The following PRR12 variants were observed in gnomAD, a reference collection of about 807,000 sequenced individuals.
PRR12 encodes proline-rich protein 12.
In PRR12, 12 loss-of-function variants were observed where a neutral mutation model predicts 138.0. That is an observed-to-expected ratio of 0.09 (90% CI 0.06 to 0.14). The LOEUF (loss-of-function observed/expected upper bound fraction) is 0.14. Among genes scored for constraint, PRR12 ranks in the 10% least tolerant of loss-of-function variants. The pLI is 1.00. For missense variants in PRR12, 2,692 were observed against 2,861.3 expected, an observed-to-expected ratio of 0.94 and a Z score of 1.35; for synonymous variants, 1,567 against 1,291.7, an observed-to-expected ratio of 1.21 and a Z score of -4.57.
At chr19:49,608,890 C>G (rs1031461131) in intron 6 of PRR12, among the ~76,000 whole-genome samples, 3 of 152,032 alleles carry the variant, frequency 2.0e-5, no homozygotes, top group Non-Finnish European at 4.4e-5. Context: ...TCAAGAACCA[C>G]TTGTGGGAAC....
chr19:49,603,422 G>C (rs1191682019), intron 6 of PRR12, among the ~76,000 whole-genome samples: 3 of 152,226 alleles, frequency 2.0e-5, no homozygotes, highest in Non-Finnish European at 4.4e-5. Flanking sequence ...GGGGCATGGC[G>C]GTTCACGCCT....
At chr19:49,620,560 G>C (rs2080916874) in intron 10 of PRR12, 83 bp downstream of exon 10, 4 of 1,531,384 alleles carry the variant, frequency 2.6e-6, no homozygotes, top group African/African-American at 1.4e-5. Context: ...TGATGTGAGA[G>C]AGGAGAGGTT....
intron 9 of PRR12, among the ~76,000 whole-genome samples, chr19:49,617,998 G>A (rs1037138762): frequency 3.3e-5 from 5 of 152,192 alleles, no homozygotes; most frequent in East Asian, 1.9e-4. Context: ...CTCGGGAGGC[G>A]GAGCCAGGAG....
chr19:49,618,106 A>G (rs2080902248), intron 9 of PRR12, among the ~76,000 whole-genome samples: 1 of 152,128 alleles, frequency 6.6e-6, no homozygotes, highest in Non-Finnish European at 1.5e-5. Context: ...TCAATAAATG[A>G]ATGAACGAAC....
chr19:49,597,033 G>A lies in PRR12; in HGVS notation c.2698G>A (p.Gly900Ser). ...LPPAPGDTGV[G>S]PPNSEGKDPA... is the part of the protein sequence containing the mutation. ...CCCGGCGCCTGGGGATACTGGCGTA[G>A]GCCCACCAAACTCGGAGGGCAAGGA... Residue 900 changes from glycine (G) to serine (S), a missense_variant, in exon 4 of 14, where the codon GGC becomes AGC. By Grantham distance (56) the Gly-to-Ser change is moderately conservative (BLOSUM62 0). Transcript: ENST00000418929. This position sits in a 1 kb window ranked among gnomAD's most constrained non-coding sequence, Gnocchi z 6.3. 1 of 1,557,714 alleles carries A rather than the reference G, an allele frequency of 6.4e-7. No individual in the cohort carries two copies. Among genetic ancestry groups the A allele is most frequent in the South Asian group, 1.2e-5 (1 of 84,532 alleles).
In PRR12 at chr19:49,625,193, G is replaced by A. The variant is rs1304286407; in HGVS notation, c.5957G>A (p.Arg1986Gln). The A allele has an allele frequency of 2.5e-6, 4 of 1,613,260 alleles. No individual in the cohort carries two copies. Among genetic ancestry groups the A allele is most frequent in the Non-Finnish European group, 3.4e-6 (4 of 1,179,328 alleles). The change falls in exon 13 of 14, where the codon CGG becomes CAG. Residue 1986 changes from arginine to glutamine, a missense_variant. Arg to Gln is a conservative substitution (Grantham distance 43). Transcript: ENST00000418929. This position sits in a 1 kb window ranked among gnomAD's most constrained non-coding sequence, Gnocchi z 5.5. ...HYKYHTFLRC[R>Q]DQTLAIEGGA... ...AAATACCACACCTTCCTGCGCTGCCGGGACCAGGTGAGCCCCACCCACAGC... is the reference window on the plus strand; with the variant it reads ...AAATACCACACCTTCCTGCGCTGCCAGGACCAGGTGAGCCCCACCCACAGC...
At position 49,625,250 on chromosome 19, in the gene PRR12, C is replaced by T. The variant is rs1233233824; in HGVS notation, c.5964+50C>T. 2 of 1,576,188 alleles carry T rather than the reference C, an allele frequency of 1.3e-6. No individual in the cohort carries two copies. Among genetic ancestry groups the T allele is most frequent in the East Asian group, 2.2e-5 (1 of 44,498 alleles). On this transcript the variant is annotated intron_variant, in intron 13 of 13. Coordinates refer to ENST00000418929, the MANE Select transcript of PRR12 (RefSeq NM_020719.3). The surrounding 1 kb of genome is among the most constrained non-coding windows in gnomAD (Gnocchi z 5.5). Reference sequence around the variant, plus strand: ...CGCCCTGGGATTCCAACCTTTCTGACTTCCTCTTGGGATCTGAGGGTCCAA... The same window carrying T: ...CGCCCTGGGATTCCAACCTTTCTGATTTCCTCTTGGGATCTGAGGGTCCAA...
Position 49,625,745 on chromosome 19 carries a change from TC to T in PRR12, c.*140del. 1.7e-6 allele frequency: 2 copies of T among 1,172,176 alleles called. No individual in the cohort carries two copies. Among genetic ancestry groups the T allele is most frequent in the South Asian group, 2.1e-5 (1 of 47,674 alleles). 72.6% of individuals were successfully genotyped at this position (1,172,176 alleles called of 1,614,324 possible). On this transcript the variant is annotated 3_prime_UTR_variant, in exon 14 of 14. Transcript: ENST00000418929. This position sits in a 1 kb window ranked among gnomAD's most constrained non-coding sequence, Gnocchi z 5.5. Reference sequence around the variant, plus strand: ...GTCAGGGTGTGTCTGTGCTGCCCCCTCCAGGGCAGGGTTCAAAGTCCGACTC... The same window carrying T: ...GTCAGGGTGTGTCTGTGCTGCCCCCTCAGGGCAGGGTTCAAAGTCCGACTC...
At position 49,595,312 on chromosome 19, in the gene PRR12, G is replaced by A. The variant is rs995493119; in HGVS notation, c.977G>A (p.Arg326Gln). Residue 326 changes from arginine to glutamine, a missense_variant, in exon 4 of 14, where the codon CGG becomes CAG. Physicochemically the swap from Arg to Gln is conservative, Grantham distance 43. Around this residue, in one of 11 missense-constraint regions of PRR12, gnomAD observed 523 missense variants for 496.4 expected, o/e 1.05. Transcript: ENST00000418929. ...GGCAGCTACCCCTCCATGGGCCACC[G>A]GGCCAACCTGGCCTGCAGCCCCCTG... The part of the protein sequence containing the change: ...CGGSYPSMGH[R>Q]ANLACSPLGG... 4.5e-5 allele frequency: 69 copies of A among 1,544,768 alleles called. No homozygotes were observed. Among genetic ancestry groups the A allele is most frequent in the Non-Finnish European group, 5.7e-5 (65 of 1,145,954 alleles).
intron 11 of PRR12, among the ~76,000 whole-genome samples, chr19:49,622,014 G>A (rs1312117494): frequency 6.6e-6 from 1 of 152,212 alleles, no homozygotes; most frequent in Non-Finnish European, 1.5e-5. Context: ...TCCCTTCTGG[G>A]ATATTCTGGG....
rs928518227 is a variant in PRR12, at chr19:49,591,442, A to G, written c.-213A>G. Among the ~76,000 whole-genome samples, 1 of 91,010 alleles carries G rather than the reference A, an allele frequency of 1.1e-5. No individual in the cohort carries two copies. Among genetic ancestry groups the G allele is most frequent in the Non-Finnish European group, 2.3e-5 (1 of 43,584 alleles). 59.7% of individuals were successfully genotyped at this position (91,010 alleles called of 152,430 possible). ...CCCCCTTCCTTGGCTCAGCGACTGC[A>G]CCCCCTCCCTTGCCCGCCCCTCCGC... is the stretch of plus-strand genomic sequence containing the variant. On this transcript the variant is annotated 5_prime_UTR_variant, in exon 1 of 14. Transcript: ENST00000418929.
intron 4 of PRR12, among the ~76,000 whole-genome samples, chr19:49,598,375 C>T (rs2080790026): frequency 6.6e-6 from 1 of 152,080 alleles, no homozygotes; most frequent in East Asian, 1.9e-4. Context: ...CGCCCGGCCT[C>T]CCGATGTTTT....
intron 8 of PRR12, among the ~76,000 whole-genome samples, chr19:49,615,380 G>C (rs901049771): frequency 7.0e-6 from 1 of 142,644 alleles, no homozygotes; most frequent in African/African-American, 2.6e-5. Context: ...ACCCAGAGAC[G>C]GGAGGGGACA....
In PRR12 at chr19:49,624,918, G is replaced by T. The variant is rs2080946853; in HGVS notation, c.5796G>T (p.Arg1932=). Residue 1932 remains arginine (R), a synonymous_variant, in exon 12 of 14, where the codon CGG becomes CGT. Coordinates refer to ENST00000418929, the MANE Select transcript of PRR12 (RefSeq NM_020719.3). ...GCTCTCCGGAAGAGGGGGCTGTGCG[G>T]CTGCGGCCTGCTGGGGAACCCTACA... is the stretch of plus-strand genomic sequence containing the variant. The part of the protein sequence containing the change: ...GEGSPEEGAV[R]LRPAGEPYNR... 6.2e-7 allele frequency: 1 copy of T among 1,603,628 alleles called. No individual in the cohort carries two copies. Among genetic ancestry groups the T allele is most frequent in the Non-Finnish European group, 8.5e-7 (1 of 1,174,768 alleles).
intron 11 of PRR12, 21 bp downstream of exon 11, chr19:49,621,643 G>T (rs754405268): frequency 1.6e-5 from 25 of 1,546,762 alleles, no homozygotes; most frequent in Non-Finnish European, 2.0e-5. Context: ...GTCTGGGCAG[G>T]GGGTGTCTGG....
Position 49,599,240 on chromosome 19 carries a change from G to T in PRR12, c.3679-32G>T. On this transcript the variant is annotated intron_variant, in intron 4 of 13. Transcript: ENST00000418929. The surrounding 1 kb of genome is among the most constrained non-coding windows in gnomAD (Gnocchi z 5.0). ...GATGGGACTGGGGGCCCAGGCTACT[G>T]GGCCCTCACGGCCCGCCACTCCCAT... 1 of 1,525,790 alleles carries T rather than the reference G, an allele frequency of 6.6e-7. No individual in the cohort carries two copies. The highest frequency in any genetic ancestry group is 1.3e-5 in the South Asian group (1 of 78,180). The allele number at this position is 1,525,790 out of a possible 1,614,324, so 94.5% of individuals were successfully genotyped here. A position where few individuals can be genotyped will look rare whatever the true frequency, so the allele number is the denominator to read the frequency against.
chr19:49,607,380 CAG>C (rs1555742563), intron 6 of PRR12, among the ~76,000 whole-genome samples: 5 of 151,632 alleles, frequency 3.3e-5, no homozygotes, highest in Middle Eastern at 3.2e-3. Flanking sequence ...CACACACACA[CAG>C]AGTTTCAGCT....
At position 49,615,728 on chromosome 19, in the gene PRR12, C is replaced by T; in HGVS notation, c.5025-19C>T. 1.2e-6 allele frequency: 2 copies of T among 1,604,796 alleles called. No individual in the cohort carries two copies. The highest frequency in any genetic ancestry group is 1.3e-5 in the African/African-American group (1 of 74,802). ...TATTGGGGGCTGCTGACTACAGTCCCTTCTCTGTTCCCTTCTAGACGCTCT... is the reference window on the plus strand; with the variant it reads ...TATTGGGGGCTGCTGACTACAGTCCTTTCTCTGTTCCCTTCTAGACGCTCT... On this transcript the variant is annotated intron_variant, in intron 8 of 13. Coordinates refer to ENST00000418929, the MANE Select transcript of PRR12 (RefSeq NM_020719.3).
intron 6 of PRR12, among the ~76,000 whole-genome samples, chr19:49,613,491 A>C (rs906341967): frequency 1.3e-5 from 2 of 151,960 alleles, no homozygotes; most frequent in African/African-American, 4.8e-5. Context: ...GCTCAGTGTG[A>C]CTCACGTCCA....
Sources: gnomAD v4.1 joint callset for allele counts (sites outside exome capture counted in the v4.1 genomes callset) on GRCh38, gnomAD v4.1.1 for gene constraint, gnomAD v4.1.1 regional missense constraint, Gnocchi (gnomAD v3.1) non-coding constraint, MANE v1.5 for transcripts, NCBI Gene and HGNC (gene_info 2026-07-23, HGNC 2026-07-21) for gene names.